The following ARMC3 variants were observed in gnomAD, a reference collection of about 807,000 sequenced individuals.
ARMC3 encodes the protein armadillo repeat-containing protein 3.
Under a neutral mutation model 90.3 loss-of-function variants are expected in ARMC3, and 74 were observed. That is an observed-to-expected ratio of 0.82 (90% confidence interval 0.68 to 0.99). The LOEUF (loss-of-function observed/expected upper bound fraction) is 0.99, where lower values mean the gene tolerates loss of function less well. Ranked by LOEUF, ARMC3 falls within the 50% of genes least tolerant of loss-of-function variation. The pLI, the probability that ARMC3 is intolerant of heterozygous loss-of-function variation, is 0.00. For synonymous variants in ARMC3, 334 were observed against 361.8 expected (o/e 0.92, Z 0.87); for missense variants, 958 against 1,042.8 (o/e 0.92, Z 1.12).
chr10:23,010,702 C>CT (rs1403866074), intron 16 of ARMC3, among the ~76,000 whole-genome samples: 1 of 102,624 alleles, frequency 9.7e-6, no homozygotes, highest in African/African-American at 4.0e-5. Context: ...TTTCCCTTCC[C>CT]CCTCCTTCCT....
chr10:22,945,324 C>T (rs1235401769), intron 2 of ARMC3, among the ~76,000 whole-genome samples: 2 of 152,126 alleles, frequency 1.3e-5, no homozygotes, highest in African/African-American at 4.8e-5. Context: ...TTATCCCAAG[C>T]AGAACTCCAT....
chr10:22,997,127 TCTC>T (rs1462144358), intron 10 of ARMC3: 3 of 152,216 alleles, frequency 2.0e-5, no homozygotes, highest in Admixed American at 6.5e-5. Flanking sequence ...GCTTGGAACA[TCTC>T]CTATTTATAG....
chr10:22,930,478 C>T (rs1833886654), intron 1 of ARMC3, among the ~76,000 whole-genome samples: 3 of 152,084 alleles, frequency 2.0e-5, no homozygotes, highest in Non-Finnish European at 2.9e-5. Context: ...ATTTAATGGG[C>T]GATGCAGGCA....
At chr10:23,016,512 G>A (rs1485880186) in intron 16 of ARMC3, among the ~76,000 whole-genome samples, 2 of 152,226 alleles carry the variant, frequency 1.3e-5, no homozygotes, top group Non-Finnish European at 2.9e-5. Flanking sequence ...CTGCAGGAGA[G>A]GTAAAAGTTC....
Position 22,968,430 on chromosome 10 carries a change from C to G in ARMC3, c.857C>G (p.Ser286Cys). 1 of 1,611,958 alleles carries G rather than the reference C, an allele frequency of 6.2e-7. No individual in the cohort carries two copies. The highest frequency in any genetic ancestry group is 8.5e-7 in the Non-Finnish European group (1 of 1,179,430). ...AAGCTCCTGTCATTTGCAGAAAACT[C>G]TACAATTCCTGATATTCAGAAGAAT... ...LKKLLSFAEN[S>C]TIPDIQKNAA... The change falls in exon 8 of 19, where the codon TCT becomes TGT. Residue 286 changes from serine (S) to cysteine (C), a missense_variant. Physicochemically the swap from Ser to Cys is moderately radical, Grantham distance 112. Coordinates refer to ENST00000298032, the MANE Select transcript of ARMC3 (RefSeq NM_173081.5).
At chr10:23,012,452 CCTTCT>C (rs1838061038) in intron 16 of ARMC3, among the ~76,000 whole-genome samples, 3 of 152,046 alleles carry the variant, frequency 2.0e-5, no homozygotes, top group African/African-American at 7.2e-5. Context: ...AAGCTGAGAC[CCTTCT>C]CTTGAGTCCA....
intron 16 of ARMC3, among the ~76,000 whole-genome samples, chr10:23,010,854 C>T (rs375136660): frequency 5.1e-5 from 5 of 98,662 alleles, no homozygotes; most frequent in East Asian, 6.0e-4. Context: ...CCTCTCCTCT[C>T]CTTCCCTTGC....
At chr10:23,035,649 C>T (rs552863394) in intron 18 of ARMC3, among the ~76,000 whole-genome samples, 7 of 152,172 alleles carry the variant, frequency 4.6e-5, no homozygotes, top group Admixed American at 3.9e-4. Flanking sequence ...ATAATTCACT[C>T]ACTCACTAAT....
At chr10:22,965,874 C>A (rs1835418041) in intron 7 of ARMC3, among the ~76,000 whole-genome samples, 1 of 152,140 alleles carries the variant, frequency 6.6e-6, no homozygotes, top group African/African-American at 2.4e-5. Flanking sequence ...CTCTATTGAG[C>A]TTTCCTCTGT....
intron 3 of ARMC3, chr10:22,955,178 T>C (rs1199934898): frequency 1.3e-5 from 2 of 152,306 alleles, no homozygotes; most frequent in African/African-American, 4.8e-5. Context: ...TGCTAATCTC[T>C]TCCAGGAACA....
chr10:22,986,110 G>GCCC lies in ARMC3; in HGVS notation c.1175+4418_1175+4420dup, dbSNP rs147031860. 7.8e-4 allele frequency among the ~76,000 whole-genome samples: 79 copies of GCCC among 101,566 alleles called. 1 individual carries two copies. Among genetic ancestry groups the GCCC allele is most frequent in the African/African-American group, 2.7e-3 (76 of 27,976 alleles). 66.6% of individuals were successfully genotyped at this position (101,566 alleles called of 152,430 possible). On this transcript the variant is annotated intron_variant, in intron 10 of 18. Transcript: ENST00000298032. ...GCACCCCCACACCCCTGCACTGCAC[G>GCCC]CCCCCCCCCCGCGCCACACACCAAC... is the stretch of plus-strand genomic sequence containing the variant.
At chr10:22,971,776 T>C (rs1319620457) in intron 8 of ARMC3, among the ~76,000 whole-genome samples, 1 of 152,112 alleles carries the variant, frequency 6.6e-6, no homozygotes, top group Non-Finnish European at 1.5e-5. Flanking sequence ...TGCCATATTG[T>C]TTTCTGTAGC....
intron 16 of ARMC3, among the ~76,000 whole-genome samples, chr10:23,027,641 T>C (rs988970290): frequency 3.3e-5 from 5 of 152,224 alleles, no homozygotes; most frequent in African/African-American, 1.2e-4. Flanking sequence ...GTTTACCTTA[T>C]TGGCATTCAC....
chr10:22,944,231 A>G (rs1834436007), intron 2 of ARMC3, among the ~76,000 whole-genome samples: 1 of 152,196 alleles, frequency 6.6e-6, no homozygotes, highest in Non-Finnish European at 1.5e-5. Flanking sequence ...AGCAGTCAGG[A>G]GAAGGAAAGG....
intron 16 of ARMC3, 39 bp downstream of exon 16, chr10:23,008,970 C>A: frequency 6.4e-7 from 1 of 1,559,052 alleles, no homozygotes; most frequent in Non-Finnish European, 8.8e-7. Flanking sequence ...CCCAGCCAGG[C>A]TGGTGGAAGG....
intron 18 of ARMC3, among the ~76,000 whole-genome samples, chr10:23,035,671 C>T (rs572486335): frequency 8.2e-4 from 124 of 152,100 alleles, no homozygotes; most frequent in African/African-American, 2.8e-3. Context: ...TCCCCCATTC[C>T]CTCTCCTCCC....
intron 16 of ARMC3, among the ~76,000 whole-genome samples, chr10:23,028,033 T>G (rs1838784635): frequency 6.6e-6 from 1 of 152,144 alleles, no homozygotes; most frequent in Non-Finnish European, 1.5e-5. Context: ...TCCCAGCTAC[T>G]CAGGAGGCTG....
intron 16 of ARMC3, among the ~76,000 whole-genome samples, chr10:23,010,143 C>A (rs1837854507): frequency 6.6e-6 from 1 of 150,830 alleles, no homozygotes; most frequent in African/African-American, 2.4e-5. Context: ...CCTTCCCTGT[C>A]CTTCCCTTCC....
intron 16 of ARMC3, 78 bp downstream of exon 16, chr10:23,009,009 C>T: frequency 1.7e-6 from 2 of 1,154,178 alleles, no homozygotes; most frequent in South Asian, 2.8e-5. Context: ...AGGAAGCTTT[C>T]TTCTGACATC....
Sources: allele counts gnomAD v4.1 joint callset (sites outside exome capture counted in the v4.1 genomes callset), GRCh38; gene constraint gnomAD v4.1.1; transcripts MANE v1.5; gene names NCBI Gene and HGNC (gene_info 2026-07-23, HGNC 2026-07-21).